Variants in PCLO observed in about 807,000 individuals in gnomAD.
PCLO encodes the protein protein piccolo.
A neutral mutation model predicts 427.5 loss-of-function variants in PCLO; 82 were observed. The observed-to-expected ratio is 0.19, with a 90% CI of 0.16 to 0.23. The LOEUF is 0.23. Ranked by LOEUF, PCLO falls within the 10% of genes least tolerant of loss-of-function variation. The pLI is 1.00. For missense variants in PCLO, 6,239 were observed against 6,115.9 expected, an observed-to-expected ratio of 1.02 and a Z score of -0.67; for synonymous variants, 2,357 against 2,155.4, an observed-to-expected ratio of 1.09 and a Z score of -2.59.
chr7:82,842,640 T>G (rs566372984), intron 13 of PCLO, among the ~76,000 whole-genome samples: 1 of 152,052 alleles, frequency 6.6e-6, no homozygotes, highest in African/African-American at 2.4e-5. Context: ...TGTGAGAAAA[T>G]ATTTGCAAAC....
intron 3 of PCLO, among the ~76,000 whole-genome samples, chr7:83,011,240 A>T (rs1788069501): frequency 6.6e-6 from 1 of 152,128 alleles, no homozygotes; most frequent in Non-Finnish European, 1.5e-5. Context: ...AATATCTTTA[A>T]CTTATAAAAA....
At chr7:82,825,474 T>C (rs759800194) in intron 18 of PCLO, among the ~76,000 whole-genome samples, 7 of 151,966 alleles carry the variant, frequency 4.6e-5, no homozygotes, top group Non-Finnish European at 8.8e-5. Flanking sequence ...TGCAAAGTCT[T>C]AAGAACCAAA....
chr7:83,005,113 T>A (rs1020097164), intron 3 of PCLO, among the ~76,000 whole-genome samples: 1 of 151,548 alleles, frequency 6.6e-6, no homozygotes, highest in East Asian at 1.9e-4. Context: ...TCAAAAAATT[T>A]AGAAAAGAAC....
chr7:83,150,017 C>A (rs554678107), intron 2 of PCLO, among the ~76,000 whole-genome samples: 1 of 152,008 alleles, frequency 6.6e-6, no homozygotes, highest in African/African-American at 2.4e-5. Context: ...GAGAAAACTT[C>A]GCTTAAATCC....
At chr7:82,975,149 A>C (rs1795990375) in intron 3 of PCLO, among the ~76,000 whole-genome samples, 1 of 152,182 alleles carries the variant, frequency 6.6e-6, no homozygotes, top group Non-Finnish European at 1.5e-5. Context: ...AAAAAAACTT[A>C]GACTTAAGCC....
intron 20 of PCLO, among the ~76,000 whole-genome samples, chr7:82,810,832 T>G (rs563802495): frequency 1.3e-5 from 2 of 151,844 alleles, no homozygotes; most frequent in African/African-American, 4.8e-5. Context: ...AAGCTATCAC[T>G]GTACTTACCA....
At chr7:82,994,834 T>A (rs933439716) in intron 3 of PCLO, among the ~76,000 whole-genome samples, 4 of 151,756 alleles carry the variant, frequency 2.6e-5, no homozygotes, top group Admixed American at 1.3e-4. Flanking sequence ...AATAAGAAAG[T>A]AATTTGAGAA....
At position 83,093,897 on chromosome 7, in the gene PCLO, G is replaced by C. The variant is rs368207660; in HGVS notation, c.3300+40353C>G. On this transcript the variant is annotated intron_variant, in intron 3 of 24. Transcript: ENST00000333891. ...TTGTAAATTCAAATGTTATTGCAAG[G>C]AATATAACAAAGAAATCCCATGTAT... is the stretch of plus-strand genomic sequence containing the variant. 3.4e-5 allele frequency among the ~76,000 whole-genome samples: 5 copies of C among 148,378 alleles called. No individual in the cohort carries two copies. The South Asian group carries it at 8.4e-4, about 25-fold the overall frequency.
chr7:82,973,801 T>C (rs1795958133), intron 3 of PCLO, among the ~76,000 whole-genome samples: 1 of 152,126 alleles, frequency 6.6e-6, no homozygotes. Context: ...ACTAAAATTA[T>C]GTATATTACA....
intron 3 of PCLO, among the ~76,000 whole-genome samples, chr7:83,059,324 T>C (rs1278071532): frequency 1.4e-5 from 2 of 138,934 alleles, no homozygotes; most frequent in Admixed American, 7.7e-5. Flanking sequence ...TTATATATTA[T>C]ATATAATATA....
intron 3 of PCLO, among the ~76,000 whole-genome samples, chr7:83,082,768 G>T (rs1421475398): frequency 2.0e-5 from 3 of 151,320 alleles, no homozygotes; most frequent in Non-Finnish European, 3.0e-5. Context: ...CCATAAATAT[G>T]TATAATTATT....
intron 3 of PCLO, among the ~76,000 whole-genome samples, chr7:83,088,527 C>G (rs1790295990): frequency 6.6e-6 from 1 of 152,176 alleles, no homozygotes; most frequent in South Asian, 2.1e-4. Flanking sequence ...AAGAAATGTA[C>G]TAGACCAGGT....
Position 82,938,303 on chromosome 7 carries a change from T to G in PCLO, c.11112+11173A>C, listed in dbSNP as rs562287877. Among the ~76,000 whole-genome samples the G allele has an allele frequency of 2.6e-4, 39 of 152,088 alleles. 2 individuals carry two copies. In the South Asian group the frequency reaches 2.9e-3, roughly 11 times the overall value. Reference sequence around the variant, plus strand: ...ATGTCTTAGAAGCAAGACACTGTATTTCTAAGTTTTTCCATGTTTGTTAGA... The same window carrying G: ...ATGTCTTAGAAGCAAGACACTGTATGTCTAAGTTTTTCCATGTTTGTTAGA... On this transcript the variant is annotated intron_variant, in intron 6 of 24. Coordinates refer to ENST00000333891, the MANE Select transcript of PCLO (RefSeq NM_033026.6).
chr7:82,974,276 C>T (rs12666589), intron 3 of PCLO, among the ~76,000 whole-genome samples: 9,075 of 152,154 alleles, frequency 0.06, 342 homozygotes, highest in East Asian at 0.19. Flanking sequence ...ATCTCAGCTA[C>T]TTAGGAGGTT....
chr7:82,796,340 G>A (rs1331720717), intron 22 of PCLO, among the ~76,000 whole-genome samples: 1 of 152,102 alleles, frequency 6.6e-6, no homozygotes, highest in Non-Finnish European at 1.5e-5. Context: ...AAGGTCCAGG[G>A]AAATCACACC....
chr7:83,149,240 T>A (rs1266867374), intron 2 of PCLO, among the ~76,000 whole-genome samples: 1 of 152,200 alleles, frequency 6.6e-6, no homozygotes, highest in Non-Finnish European at 1.5e-5. Flanking sequence ...CTTTGACTAC[T>A]ACCACATCCC....
intron 3 of PCLO, among the ~76,000 whole-genome samples, chr7:83,051,941 T>C (rs1789264856): frequency 1.3e-5 from 2 of 152,042 alleles, no homozygotes; most frequent in Admixed American, 1.3e-4. Flanking sequence ...GGAGAAAGGA[T>C]GTTTTTTTTA....
chr7:82,841,668 C>T (rs141651052), intron 13 of PCLO, among the ~76,000 whole-genome samples, 159 bp from the exon 14 acceptor site: 4 of 152,134 alleles, frequency 2.6e-5, no homozygotes, highest in South Asian at 2.1e-4. Flanking sequence ...TGTCTACTTA[C>T]GGTTCTCAAT....
chr7:83,029,662 G>A lies in PCLO; in HGVS notation c.3301-63175C>T, dbSNP rs567001562. On this transcript the variant is annotated intron_variant, in intron 3 of 24. Coordinates refer to ENST00000333891, the MANE Select transcript of PCLO (RefSeq NM_033026.6). ...TGCTGCTATAAAGACACATGCACAC[G>A]TATGTTTACTGCGGCATTATTCACA... Among the ~76,000 whole-genome samples, 774 of 125,916 alleles carry A rather than the reference G, an allele frequency of 6.1e-3. 4 individuals are homozygous for A. The highest frequency in any genetic ancestry group is 0.023 in the African/African-American group (729 of 32,274). 82.6% of individuals were successfully genotyped at this position (125,916 alleles called of 152,430 possible).
Sources: gnomAD v4.1 joint callset for allele counts (sites outside exome capture counted in the v4.1 genomes callset) on GRCh38, gnomAD v4.1.1 for gene constraint, MANE v1.5 for transcripts, NCBI Gene and HGNC (gene_info 2026-07-23, HGNC 2026-07-21) for gene names.